Variants in OPCML observed in about 807,000 individuals in gnomAD.
The protein encoded by OPCML is opioid binding protein/cell adhesion molecule like.
In OPCML, 13 loss-of-function variants were observed where a neutral mutation model predicts 37.8. The ratio of observed to expected loss-of-function variants is 0.34; its 90% CI spans 0.22 to 0.55. OPCML has a LOEUF of 0.55. Among genes scored for constraint, OPCML ranks in the 20% least tolerant of loss-of-function variants. The pLI is 0.91. For synonymous variants in OPCML, 176 were observed against 168.8 expected, an observed-to-expected ratio of 1.04 and a Z score of -0.33; for missense variants, 341 against 435.6, an observed-to-expected ratio of 0.78 and a Z score of 1.93.
At chr11:132,653,179 C>A (rs78437049) in intron 3 of OPCML, among the ~76,000 whole-genome samples, 1 of 152,000 alleles carries the variant, frequency 6.6e-6, no homozygotes, top group Non-Finnish European at 1.5e-5. Context: ...GGCATAGGAT[C>A]GTATCTCCCC....
rs1002128980 is a variant in OPCML at position 133,025,646 on chromosome 11, C to T, written c.62-82636G>A. ...CTTGTTGGCCAGGCTAGTCTCAAGT[C>T]CTGGGCTCCAGTAATCCTCCCACCT... On this transcript the variant is annotated intron_variant, in intron 1 of 7. Coordinates refer to ENST00000524381, the MANE Select transcript of OPCML (RefSeq NM_001012393.5). 7 of 204,596 alleles carry T rather than the reference C, an allele frequency of 3.4e-5. No homozygotes were observed. The Admixed American group carries it at 4.6e-4, about 13-fold the overall frequency. The allele number at this position is 204,596 out of a possible 1,614,324, so 12.7% of individuals were successfully genotyped here. A position where few individuals can be genotyped will look rare whatever the true frequency, so the allele number is the denominator to read the frequency against.
At chr11:133,488,112 A>G (rs1477774207) in intron 1 of OPCML, among the ~76,000 whole-genome samples, 1 of 152,166 alleles carries the variant, frequency 6.6e-6, no homozygotes, top group East Asian at 1.9e-4. Flanking sequence ...GAAGGAACAC[A>G]CCTCAACATA....
intron 3 of OPCML, among the ~76,000 whole-genome samples, chr11:132,575,584 A>G (rs539363608): frequency 4.6e-5 from 7 of 151,998 alleles, no homozygotes; most frequent in African/African-American, 1.7e-4. Context: ...TTTACTCTGT[A>G]TTTTTAAACA....
At chr11:133,478,371 G>A (rs1424774226) in intron 1 of OPCML, among the ~76,000 whole-genome samples, 1 of 152,146 alleles carries the variant, frequency 6.6e-6, no homozygotes, top group Admixed American at 6.5e-5. Context: ...GTTTGACTCC[G>A]AGTAAGAGAC....
At chr11:133,476,574 G>T (rs1947245095) in intron 1 of OPCML, among the ~76,000 whole-genome samples, 1 of 152,160 alleles carries the variant, frequency 6.6e-6, no homozygotes, top group Non-Finnish European at 1.5e-5. Context: ...TCATTCAACA[G>T]AAATACATTG....
chr11:133,454,292 C>T (rs907168122), intron 1 of OPCML, among the ~76,000 whole-genome samples: 3 of 152,068 alleles, frequency 2.0e-5, no homozygotes, highest in Non-Finnish European at 2.9e-5. Context: ...TAGTGTTAAC[C>T]AGATGATAGG....
At chr11:132,609,333 T>A (rs376237209) in intron 3 of OPCML, among the ~76,000 whole-genome samples, 2 of 152,210 alleles carry the variant, frequency 1.3e-5, no homozygotes, top group Non-Finnish European at 2.9e-5. Flanking sequence ...AAAGTCTTAA[T>A]GTGAATACTT....
intron 3 of OPCML, among the ~76,000 whole-genome samples, chr11:132,652,994 G>A (rs981002513): frequency 2.6e-5 from 4 of 152,000 alleles, no homozygotes; most frequent in Non-Finnish European, 4.4e-5. Flanking sequence ...TGTTATCTAC[G>A]AATAGTTAAC....
chr11:132,782,214 G>T (rs537294526), intron 2 of OPCML, among the ~76,000 whole-genome samples: 1 of 151,462 alleles, frequency 6.6e-6, no homozygotes, highest in African/African-American at 2.4e-5. Flanking sequence ...GGAAGCGAAC[G>T]CACCGAGACT....
chr11:132,594,035 C>T (rs1284204843), intron 3 of OPCML, among the ~76,000 whole-genome samples: 2 of 152,146 alleles, frequency 1.3e-5, no homozygotes, highest in African/African-American at 4.8e-5. Flanking sequence ...TAATGCCACA[C>T]AAATAATAAA....
intron 1 of OPCML, among the ~76,000 whole-genome samples, chr11:133,358,921 C>T (rs766844280): frequency 1.3e-5 from 2 of 150,990 alleles, no homozygotes; most frequent in Non-Finnish European, 2.9e-5. Flanking sequence ...CAGAGACCAG[C>T]GTGGCTGGGC....
chr11:133,114,472 C>A (rs1370230655), intron 1 of OPCML, among the ~76,000 whole-genome samples: 5 of 152,118 alleles, frequency 3.3e-5, no homozygotes, highest in African/African-American at 9.7e-5. Context: ...CATCTGGGAC[C>A]AAATCAGTCT....
intron 1 of OPCML, among the ~76,000 whole-genome samples, chr11:133,332,248 C>A (rs534713701): frequency 6.6e-6 from 1 of 152,078 alleles, no homozygotes; most frequent in Non-Finnish European, 1.5e-5. Context: ...TGGTGGTGTA[C>A]AGGAATGCCA....
chr11:133,513,586 A>G (rs1948202950), intron 1 of OPCML, among the ~76,000 whole-genome samples: 1 of 152,188 alleles, frequency 6.6e-6, no homozygotes, highest in Non-Finnish European at 1.5e-5. Flanking sequence ...TGTTTATGCA[A>G]AAGACTGCAG....
At chr11:132,636,329 C>G (rs1224375471) in intron 3 of OPCML, among the ~76,000 whole-genome samples, 1 of 152,102 alleles carries the variant, frequency 6.6e-6, no homozygotes, top group Non-Finnish European at 1.5e-5. Context: ...GTAAACATAC[C>G]ACTGTGCATA....
In OPCML at chr11:132,767,445, C is replaced by T. The variant is rs189286293; in HGVS notation, c.147-110126G>A. 1.1e-4 allele frequency among the ~76,000 whole-genome samples: 16 copies of T among 152,270 alleles called. No homozygotes were observed. In the East Asian group the frequency reaches 1.2e-3, roughly 11 times the overall value. ...CAGAAACCATGAGTCCACCTGAAGCCGGCACCAAAAGTTCTTCACTAATTC... is the reference window on the plus strand; with the variant it reads ...CAGAAACCATGAGTCCACCTGAAGCTGGCACCAAAAGTTCTTCACTAATTC... On this transcript the variant is annotated intron_variant, in intron 2 of 7. Coordinates refer to ENST00000524381, the MANE Select transcript of OPCML (RefSeq NM_001012393.5).
At chr11:133,004,177 T>A in intron 1 of OPCML, 1 of 985,418 alleles carries the variant, frequency 1.0e-6, no homozygotes, top group South Asian at 4.7e-5. Flanking sequence ...TCCTCTGCCG[T>A]CTCATCTGAG....
chr11:132,653,654 C>T (rs1427408383), intron 3 of OPCML, among the ~76,000 whole-genome samples: 1 of 152,194 alleles, frequency 6.6e-6, no homozygotes, highest in East Asian at 1.9e-4. Context: ...TTAGTTCCAT[C>T]AGATATGTGG....
At chr11:132,471,379 T>C (rs1459989557) in intron 4 of OPCML, among the ~76,000 whole-genome samples, 1 of 152,226 alleles carries the variant, frequency 6.6e-6, no homozygotes, top group Non-Finnish European at 1.5e-5. Context: ...CCAGGCTTAG[T>C]AGTTTAAAAC....
Sources: allele counts gnomAD v4.1 joint callset (sites outside exome capture counted in the v4.1 genomes callset), GRCh38; gene constraint gnomAD v4.1.1; transcripts MANE v1.5; gene names NCBI Gene and HGNC (gene_info 2026-07-23, HGNC 2026-07-21).